PRDM16: variants seen among roughly 807,000 people sequenced by gnomAD.
PRDM16 encodes PR/SET domain 16.
A neutral mutation model predicts 110.6 loss-of-function variants in PRDM16; 23 were observed. The observed-to-expected ratio is 0.21, with a 90% confidence interval of 0.15 to 0.29. The LOEUF (loss-of-function observed/expected upper bound fraction) is 0.29. PRDM16 is among the 10% of genes least tolerant of loss of function. The pLI is 1.00. For missense variants in PRDM16, 1,615 were observed against 1,794.3 expected (o/e 0.90, Z 1.81); for synonymous variants, 799 against 781.8 (o/e 1.02, Z -0.37).
chr1:3,356,665 A>G (rs1055395990), intron 3 of PRDM16, among the ~76,000 whole-genome samples: 2 of 152,212 alleles, frequency 1.3e-5, no homozygotes, highest in Non-Finnish European at 2.9e-5. Context: ...GAGCGGCCCC[A>G]GGAGGAGGCA....
chr1:3,263,284 G>A (rs747612442), intron 3 of PRDM16, among the ~76,000 whole-genome samples: 23 of 152,150 alleles, frequency 1.5e-4, no homozygotes, highest in Non-Finnish European at 3.1e-4. Context: ...CGCCCCGCCC[G>A]GCTTTGTCAA....
intron 1 of PRDM16, among the ~76,000 whole-genome samples, chr1:3,085,768 G>C (rs1201987237): frequency 2.6e-5 from 4 of 152,232 alleles, no homozygotes; most frequent in African/African-American, 4.8e-5. Context: ...TTGACCTTCT[G>C]GGCCACAGGT....
Position 3,089,151 on chromosome 1 carries a change from G to A in PRDM16, c.37+19855G>A, listed in dbSNP as rs910062922. ...TCGCCCCACCTGTCCTCAGCGGTGA[G>A]GGTGTTTTGCAGGCCTGGGCCCCTC... is the stretch of plus-strand genomic sequence containing the variant. On this transcript the variant is annotated intron_variant, in intron 1 of 16. Coordinates refer to ENST00000270722, the MANE Select transcript of PRDM16 (RefSeq NM_022114.4). 2.0e-5 allele frequency among the ~76,000 whole-genome samples: 3 copies of A among 152,354 alleles called. No individual in the cohort carries two copies. In the South Asian group the frequency reaches 6.2e-4, roughly 32 times the overall value.
In PRDM16 at chr1:3,081,773, G is replaced by C. The variant is rs1003059340; in HGVS notation, c.37+12477G>C. 3.3e-5 allele frequency among the ~76,000 whole-genome samples: 5 copies of C among 151,764 alleles called. No individual in the cohort carries two copies. Among genetic ancestry groups the C allele is most frequent in the African/African-American group, 9.7e-5 (4 of 41,328 alleles). On this transcript the variant is annotated intron_variant, in intron 1 of 16. Coordinates refer to ENST00000270722, the MANE Select transcript of PRDM16 (RefSeq NM_022114.4). This position sits in a 1 kb window ranked among gnomAD's most constrained non-coding sequence, Gnocchi z 4.6. ...CGTGGGAGGCCCCCATGGAAGGCCC[G>C]TGTTGGGGGACCTTCCATGGGCAGC...
intron 3 of PRDM16, among the ~76,000 whole-genome samples, chr1:3,251,970 G>A (rs978972726): frequency 2.0e-5 from 3 of 152,144 alleles, no homozygotes; most frequent in Admixed American, 6.5e-5. Context: ...CAGCCACGCC[G>A]CCTCCCTCCT....
intron 3 of PRDM16, among the ~76,000 whole-genome samples, chr1:3,342,553 C>T (rs758902515): frequency 2.0e-5 from 3 of 152,214 alleles, no homozygotes; most frequent in Non-Finnish European, 4.4e-5. Context: ...CTATACGTAC[C>T]ATGAGGGCAC....
intron 3 of PRDM16, among the ~76,000 whole-genome samples, chr1:3,285,638 C>G (rs1370353678): frequency 3.3e-5 from 5 of 152,208 alleles, no homozygotes; most frequent in African/African-American, 1.2e-4. Context: ...AGCCTGAGCC[C>G]AGGGCGTGCT....
chr1:3,110,946 A>G (rs1405634690), intron 1 of PRDM16, among the ~76,000 whole-genome samples: 1 of 152,210 alleles, frequency 6.6e-6, no homozygotes, highest in Non-Finnish European at 1.5e-5. Flanking sequence ...GAAGGAGGCC[A>G]GAGATTGCCC....
chr1:3,274,447 G>T (rs1640536282), intron 3 of PRDM16, among the ~76,000 whole-genome samples: 1 of 152,188 alleles, frequency 6.6e-6, no homozygotes, highest in Non-Finnish European at 1.5e-5. Context: ...TGCAGATTTT[G>T]CGTTTGATTA....
chr1:3,364,231 G>A (rs1311522769), intron 3 of PRDM16, among the ~76,000 whole-genome samples: 1 of 152,178 alleles, frequency 6.6e-6, no homozygotes, highest in Non-Finnish European at 1.5e-5. Context: ...TGCTTGAAAA[G>A]AAGACAGAGC....
In PRDM16 at chr1:3,138,207, G is replaced by A. The variant is rs79342687; in HGVS notation, c.38-47918G>A. Among the ~76,000 whole-genome samples, 1,338 of 152,322 alleles carry A rather than the reference G, an allele frequency of 8.8e-3. 9 individuals are homozygous for A. The highest frequency in any genetic ancestry group is 0.037 in the South Asian group (180 of 4,822). ...CCTCCTATAATCCTGGGGAGAGGCCGCATCCCTCCCAGCGCAACCACGGGG... is the reference window on the plus strand; with the variant it reads ...CCTCCTATAATCCTGGGGAGAGGCCACATCCCTCCCAGCGCAACCACGGGG... On this transcript the variant is annotated intron_variant, in intron 1 of 16. Coordinates refer to ENST00000270722, the MANE Select transcript of PRDM16 (RefSeq NM_022114.4).
chr1:3,181,211 TACAC>T (rs1208849907), intron 1 of PRDM16, among the ~76,000 whole-genome samples: 4 of 128,898 alleles, frequency 3.1e-5, no homozygotes, highest in East Asian at 5.5e-4. Context: ...CACACGGTCT[TACAC>T]ACGCAGTCTT....
At chr1:3,407,601 C>T (rs565015773) in intron 8 of PRDM16, among the ~76,000 whole-genome samples, 2 of 152,324 alleles carry the variant, frequency 1.3e-5, no homozygotes, top group East Asian at 3.9e-4. Flanking sequence ...CAGATGACAA[C>T]GTGGAGTTCT....
intron 1 of PRDM16, among the ~76,000 whole-genome samples, chr1:3,170,566 C>G (rs536881702): frequency 6.6e-6 from 1 of 152,200 alleles, no homozygotes; most frequent in South Asian, 2.1e-4. Context: ...CAGACCCTGC[C>G]CTGGCTGCGA....
At chr1:3,264,579 C>G (rs560267335) in intron 3 of PRDM16, among the ~76,000 whole-genome samples, 3 of 134,094 alleles carry the variant, frequency 2.2e-5, no homozygotes, top group Non-Finnish European at 3.2e-5. Context: ...CTGAGGACCC[C>G]GGGCCAGGAG....
chr1:3,167,795 A>G (rs12135787), intron 1 of PRDM16, among the ~76,000 whole-genome samples: 51 of 16,964 alleles, frequency 3.0e-3, no homozygotes, highest in African/African-American at 4.0e-3. Flanking sequence ...CGCCTCTGTG[A>G]CATTGCCCCC....
At chr1:3,395,145 G>T (rs1291780518) in intron 4 of PRDM16, among the ~76,000 whole-genome samples, 1 of 152,056 alleles carries the variant, frequency 6.6e-6, no homozygotes, top group African/African-American at 2.4e-5. Context: ...TCTGGAGTCA[G>T]TTGGGACTGG....
intron 12 of PRDM16, among the ~76,000 whole-genome samples, chr1:3,422,779 C>T (rs1343888985): frequency 6.6e-6 from 1 of 152,250 alleles, no homozygotes; most frequent in African/African-American, 2.4e-5. Context: ...CCGAGTCAAA[C>T]AAAACTGCAG....
At position 3,243,416 on chromosome 1, in the gene PRDM16, C is replaced by T. The variant is rs1464116068; in HGVS notation, c.388-671C>T. ...AGGAAGCAGAGAAATGGCATGAGCT[C>T]CCTCTCCCTCCAGCACCCACCAAGC... On this transcript the variant is annotated intron_variant, in intron 2 of 16. Coordinates refer to ENST00000270722, the MANE Select transcript of PRDM16 (RefSeq NM_022114.4). This position sits in a 1 kb window ranked among gnomAD's most constrained non-coding sequence, Gnocchi z 5.5. 6.6e-6 allele frequency among the ~76,000 whole-genome samples: 1 copy of T among 152,180 alleles called. No individual in the cohort carries two copies. Among genetic ancestry groups the T allele is most frequent in the African/African-American group, 2.4e-5 (1 of 41,442 alleles).
Sources: gnomAD v4.1 joint callset for allele counts (sites outside exome capture counted in the v4.1 genomes callset) on GRCh38, gnomAD v4.1.1 for gene constraint, Gnocchi (gnomAD v3.1) non-coding constraint, MANE v1.5 for transcripts, NCBI Gene and HGNC (gene_info 2026-07-23, HGNC 2026-07-21) for gene names.